CCDC6: variants seen among roughly 807,000 people sequenced by gnomAD.
CCDC6 encodes the protein coiled-coil domain containing 6.
In CCDC6, 20 loss-of-function variants were observed where a neutral mutation model predicts 56.6. The observed-to-expected ratio is 0.35, with a 90% CI of 0.25 to 0.51. CCDC6 has a LOEUF of 0.51. Among genes scored for constraint, CCDC6 ranks in the 20% least tolerant of loss-of-function variants. The pLI is 0.95. For missense variants in CCDC6, 367 were observed against 601.1 expected (o/e 0.61, Z 4.07); for synonymous variants, 241 against 234.4 (o/e 1.03, Z -0.26).
chr10:59,871,157 G>A (rs892724824), intron 1 of CCDC6, among the ~76,000 whole-genome samples: 12 of 152,084 alleles, frequency 7.9e-5, no homozygotes, highest in Non-Finnish European at 5.9e-5. Flanking sequence ...TACATGAGGA[G>A]AGTTTATATT....
At chr10:59,802,115 G>A (rs753161562) in intron 7 of CCDC6, among the ~76,000 whole-genome samples, 14 of 152,094 alleles carry the variant, frequency 9.2e-5, no homozygotes, top group African/African-American at 2.9e-4. Context: ...TCATTATACT[G>A]CATAAAATGA....
At chr10:59,823,982 A>T (rs2132638606) in intron 3 of CCDC6, among the ~76,000 whole-genome samples, 1 of 152,328 alleles carries the variant, frequency 6.6e-6, no homozygotes, top group South Asian at 2.1e-4. Context: ...CAGAAGATGC[A>T]CATCATTGGA....
intron 1 of CCDC6, among the ~76,000 whole-genome samples, chr10:59,859,263 T>G (rs1427971873): frequency 6.6e-6 from 1 of 151,614 alleles, no homozygotes; most frequent in Non-Finnish European, 1.5e-5. Context: ...TCTCATGTTG[T>G]GTTCTAAAAC....
intron 1 of CCDC6, among the ~76,000 whole-genome samples, chr10:59,877,382 T>C (rs745311003): frequency 2.0e-5 from 3 of 151,928 alleles, no homozygotes; most frequent in East Asian, 3.9e-4. Context: ...AGAAAGAAAA[T>C]AAATGGAGGT....
intron 7 of CCDC6, among the ~76,000 whole-genome samples, chr10:59,796,184 T>C (rs1329318710): frequency 1.3e-5 from 2 of 152,174 alleles, no homozygotes; most frequent in Non-Finnish European, 2.9e-5. Flanking sequence ...TGGTGTAAGA[T>C]GGTATCTCAC....
intron 1 of CCDC6, among the ~76,000 whole-genome samples, chr10:59,876,583 A>G (rs1299394806): frequency 1.6e-5 from 2 of 124,060 alleles, no homozygotes; most frequent in African/African-American, 8.0e-5. Context: ...TACACCTGTT[A>G]AGGGGGAAAA....
intron 3 of CCDC6, among the ~76,000 whole-genome samples, chr10:59,827,576 T>C (rs2070798760): frequency 6.6e-6 from 1 of 152,148 alleles, no homozygotes; most frequent in Admixed American, 6.5e-5. Flanking sequence ...TTATTACAGA[T>C]GAAAGGGAGA....
At chr10:59,818,805 A>T (rs2070729772) in intron 3 of CCDC6, among the ~76,000 whole-genome samples, 1 of 151,950 alleles carries the variant, frequency 6.6e-6, no homozygotes. Flanking sequence ...AAATTATTGT[A>T]AAATACAAAT....
At chr10:59,798,610 AAAG>A (rs2070544343) in intron 7 of CCDC6, among the ~76,000 whole-genome samples, 1 of 152,218 alleles carries the variant, frequency 6.6e-6, no homozygotes, top group Non-Finnish European at 1.5e-5. Context: ...CTGGGAAAAG[AAAG>A]AAGTTGTTTT....
At chr10:59,856,147 G>A (rs2071079077) in intron 1 of CCDC6, among the ~76,000 whole-genome samples, 1 of 152,120 alleles carries the variant, frequency 6.6e-6, no homozygotes, top group South Asian at 2.1e-4. Context: ...GATTTTGCCA[G>A]TTCTTAGATC....
In CCDC6 at chr10:59,906,348, G is replaced by A. The variant is rs1186506769; in HGVS notation, c.77C>T (p.Ser26Phe). ...NSSSSAAMQS[S>F]CSSTSGGGGG... is the part of the protein sequence containing the mutation. ...GCCGCCGCCCGAGGTCGACGAGCAG[G>A]ACGACTGCATGGCGGCCGAGCTGCT... The change falls in exon 1 of 9, where the codon TCC (serine) becomes TTC (phenylalanine). Residue 26 changes from serine to phenylalanine, a missense_variant. Physicochemically the swap from Ser to Phe is radical, Grantham distance 155. Coordinates refer to ENST00000263102, the MANE Select transcript of CCDC6 (RefSeq NM_005436.5). 6 of 1,597,980 alleles carry A rather than the reference G, an allele frequency of 3.8e-6. No individual in the cohort carries two copies. The highest frequency in any genetic ancestry group is 2.7e-5 in the African/African-American group (2 of 74,792).
Position 59,892,020 on chromosome 10 carries a change from T to C in CCDC6, c.303+14102A>G, listed in dbSNP as rs528497088. On this transcript the variant is annotated intron_variant, in intron 1 of 8. Coordinates refer to ENST00000263102, the MANE Select transcript of CCDC6 (RefSeq NM_005436.5). ...GACCACCCTGGCCCATCACCAGGGG[T>C]TGTCCTTCCATCATTCGGCTACTGC... Among the ~76,000 whole-genome samples, 6 of 152,218 alleles carry C rather than the reference T, an allele frequency of 3.9e-5. No homozygotes were observed. The South Asian group carries it at 1.2e-3, about 32-fold the overall frequency.
Position 59,906,463 on chromosome 10 carries a change from G to A in CCDC6, c.-39C>T. The A allele has an allele frequency of 6.9e-7, 1 of 1,447,174 alleles. No individual in the cohort carries two copies. Among genetic ancestry groups the A allele is most frequent in the Non-Finnish European group, 9.0e-7 (1 of 1,114,396 alleles). The allele number at this position is 1,447,174 out of a possible 1,614,324, so 89.6% of individuals were successfully genotyped here. On this transcript the variant is annotated 5_prime_UTR_variant, in exon 1 of 9. Transcript: ENST00000263102. ...TGGGGAAAGGAGGAGGAGCAGCAGGGAGGCGGCGGCGACGAAGGCCGGGCT... is the reference window on the plus strand; with the variant it reads ...TGGGGAAAGGAGGAGGAGCAGCAGGAAGGCGGCGGCGACGAAGGCCGGGCT...
At chr10:59,902,721 A>G (rs1172597874) in intron 1 of CCDC6, among the ~76,000 whole-genome samples, 5 of 151,996 alleles carry the variant, frequency 3.3e-5, no homozygotes, top group Admixed American at 2.0e-4. Context: ...ACTCTTATTC[A>G]CTGTTGGTGG....
At chr10:59,836,953 T>C (rs1263266671) in intron 2 of CCDC6, among the ~76,000 whole-genome samples, 1 of 152,202 alleles carries the variant, frequency 6.6e-6, no homozygotes, top group Non-Finnish European at 1.5e-5. Flanking sequence ...AAATTCTAAG[T>C]CCTAAAGCAA....
chr10:59,825,942 C>T (rs1449288161), intron 3 of CCDC6, among the ~76,000 whole-genome samples: 1 of 152,190 alleles, frequency 6.6e-6, no homozygotes, highest in African/African-American at 2.4e-5. Flanking sequence ...TAAACCCTGG[C>T]CTCTGTGATT....
At chr10:59,826,618 T>G (rs1321928843) in intron 3 of CCDC6, among the ~76,000 whole-genome samples, 3 of 152,178 alleles carry the variant, frequency 2.0e-5, no homozygotes, top group Non-Finnish European at 2.9e-5. Context: ...ACAGCAGACA[T>G]GCAATACAGG....
intron 7 of CCDC6, among the ~76,000 whole-genome samples, chr10:59,796,827 T>C (rs10994015): frequency 0.016 from 2,495 of 152,052 alleles, 54 homozygotes; most frequent in East Asian, 0.091. Context: ...AAAAATTAGC[T>C]GGGCATGGTG....
intron 1 of CCDC6, among the ~76,000 whole-genome samples, chr10:59,855,074 C>T (rs116877406): frequency 0.016 from 2,419 of 152,256 alleles, 41 homozygotes; most frequent in Non-Finnish European, 0.023. Flanking sequence ...AGAGACTAGG[C>T]AGATCACCTT....
Sources: allele counts gnomAD v4.1 joint callset (sites outside exome capture counted in the v4.1 genomes callset), GRCh38; gene constraint gnomAD v4.1.1; transcripts MANE v1.5; gene names NCBI Gene and HGNC (gene_info 2026-07-23, HGNC 2026-07-21).